ATG7: variants seen among roughly 807,000 people sequenced by gnomAD.
ATG7 encodes ubiquitin-like modifier-activating enzyme ATG7.
Under a neutral mutation model 82.4 loss-of-function variants are expected in ATG7, and 70 were observed. That is an observed-to-expected ratio of 0.85 (90% CI 0.70 to 1.04). The LOEUF (loss-of-function observed/expected upper bound fraction) is 1.04, where lower values mean the gene tolerates loss of function less well. Ranked by LOEUF, ATG7 falls within the 50% of genes least tolerant of loss-of-function variation. The probability of loss-of-function intolerance (pLI) is 0.00; values close to 1 mark genes in which losing one functional copy is unlikely to be tolerated. For synonymous variants in ATG7, 287 were observed against 313.0 expected, an observed-to-expected ratio of 0.92 and a Z score of 0.88; for missense variants, 792 against 864.3, an observed-to-expected ratio of 0.92 and a Z score of 1.05.
intron 9 of ATG7, among the ~76,000 whole-genome samples, chr3:11,316,842 A>T (rs919077784): frequency 6.6e-6 from 1 of 152,248 alleles, no homozygotes; most frequent in African/African-American, 2.4e-5. Flanking sequence ...AAATGGAATC[A>T]TCTCCATAGC....
intron 13 of ATG7, among the ~76,000 whole-genome samples, chr3:11,342,933 AT>A (rs34523650): frequency 0.2 from 29,534 of 144,636 alleles, 3,131 homozygotes; most frequent in South Asian, 0.35. Context: ...TTTGTCATTA[AT>A]TTTTTTTTTT....
intron 20 of ATG7, among the ~76,000 whole-genome samples, chr3:11,453,223 A>C (rs1239347710): frequency 6.6e-6 from 1 of 152,242 alleles, no homozygotes; most frequent in Non-Finnish European, 1.5e-5. Flanking sequence ...GGGCCTTGCC[A>C]TGTGGTCTGA....
the ATG7 span, among the ~76,000 whole-genome samples, chr3:11,571,993 G>C: frequency 6.6e-6 from 1 of 152,190 alleles, no homozygotes; most frequent in African/African-American, 2.4e-5. Context: ...TGCAGCCCCA[G>C]CTACTCTGGA....
intron 20 of ATG7, among the ~76,000 whole-genome samples, chr3:11,438,706 T>A (rs763047455): frequency 2.0e-5 from 3 of 152,146 alleles, no homozygotes; most frequent in Non-Finnish European, 4.4e-5. Flanking sequence ...ATTAAAAAAA[T>A]TAGGCAAATT....
chr3:11,386,769 A>G (rs916320047), intron 19 of ATG7, among the ~76,000 whole-genome samples: 1 of 152,156 alleles, frequency 6.6e-6, no homozygotes, highest in African/African-American at 2.4e-5. Flanking sequence ...CATATGTATG[A>G]TTGTGTGGTA....
intron 11 of ATG7, among the ~76,000 whole-genome samples, chr3:11,335,805 C>A (rs529659536): frequency 1.7e-4 from 26 of 152,310 alleles, no homozygotes; most frequent in African/African-American, 6.0e-4. Flanking sequence ...TCAAGCGATT[C>A]TCCAGACTCA....
chr3:11,519,886 G>C (rs1322057898), intron 20 of ATG7, among the ~76,000 whole-genome samples: 1 of 151,958 alleles, frequency 6.6e-6, no homozygotes, highest in East Asian at 1.9e-4. Flanking sequence ...ACTACCTTAA[G>C]CATCTTTTGT....
Position 11,409,727 on chromosome 3 carries a change from C to T in ATG7, c.1957-17077C>T, listed in dbSNP as rs114350639. 3.8e-3 allele frequency among the ~76,000 whole-genome samples: 573 copies of T among 149,284 alleles called. 3 individuals carry two copies. Among genetic ancestry groups the T allele is most frequent in the African/African-American group, 0.013 (541 of 40,874 alleles). On this transcript the variant is annotated intron_variant, in intron 19 of 20. Transcript: ENST00000693202. ...TTTATATGTAGGTAGGTCTGTGATA[C>T]ATTTTGAGTTATTTTTTGTGATGGG...
rs566784386 is a variant in ATG7 at position 11,305,288 on chromosome 3, A to AT, written c.216-1654dup. Among the ~76,000 whole-genome samples the AT allele has an allele frequency of 1.2e-4, 19 of 152,372 alleles. No homozygotes were observed. In the South Asian group the frequency reaches 3.5e-3, roughly 28 times the overall value. Reference sequence around the variant, plus strand: ...CGATTGTCCTGGCTAATTAACTTGCATAAGTGCTGATGCTCCTAGGAGCCT... The same window carrying AT: ...CGATTGTCCTGGCTAATTAACTTGCATTAAGTGCTGATGCTCCTAGGAGCCT... On this transcript the variant is annotated intron_variant, in intron 5 of 20. Transcript: ENST00000693202.
chr3:11,416,011 T>A (rs2081345181), intron 19 of ATG7, among the ~76,000 whole-genome samples: 1 of 152,216 alleles, frequency 6.6e-6, no homozygotes, highest in South Asian at 2.1e-4. Context: ...GGATTAGGAA[T>A]TTTTCGGCTC....
chr3:11,574,779 C>CTGTGTGTGTGTGTGTG, the ATG7 span, among the ~76,000 whole-genome samples: 1 of 121,790 alleles, frequency 8.2e-6, no homozygotes, highest in African/African-American at 3.1e-5. Context: ...GTCAATTCAA[C>CTGTGTGTGTGTGTGTG]TATATATGTG....
intron 3 of ATG7, among the ~76,000 whole-genome samples, chr3:11,291,722 A>G (rs1209814118): frequency 6.6e-6 from 1 of 152,232 alleles, no homozygotes; most frequent in Non-Finnish European, 1.5e-5. Flanking sequence ...ATGGTGGTAA[A>G]TGCCCTAATG....
chr3:11,485,496 G>C (rs575082048), intron 20 of ATG7, among the ~76,000 whole-genome samples: 2 of 152,132 alleles, frequency 1.3e-5, no homozygotes, highest in Non-Finnish European at 2.9e-5. Context: ...TGGGTTGCCT[G>C]TTCACTCTGA....
At chr3:11,346,140 A>G (rs924776293) in intron 13 of ATG7, among the ~76,000 whole-genome samples, 3 of 152,166 alleles carry the variant, frequency 2.0e-5, no homozygotes, top group South Asian at 2.1e-4. Context: ...TGGCCTCCCG[A>G]GTAGTCAGGA....
chr3:11,498,460 T>G (rs2091031644), intron 20 of ATG7, among the ~76,000 whole-genome samples: 1 of 152,204 alleles, frequency 6.6e-6, no homozygotes. Context: ...TTTCCTTCAC[T>G]TGCTATATGG....
chr3:11,560,952 A>G (rs1399930824), downstream of ATG7, among the ~76,000 whole-genome samples: 2 of 152,094 alleles, frequency 1.3e-5, no homozygotes, highest in Non-Finnish European at 2.9e-5. Flanking sequence ...TGAGGCCTGG[A>G]GCAGATCTCA....
At chr3:11,543,616 A>C (rs1298365425) in intron 20 of ATG7, among the ~76,000 whole-genome samples, 1 of 152,132 alleles carries the variant, frequency 6.6e-6, no homozygotes, top group Non-Finnish European at 1.5e-5. Context: ...GGAGGAGCAC[A>C]AGGCTGGCCG....
At chr3:11,337,259 C>T (rs986926127) in intron 11 of ATG7, among the ~76,000 whole-genome samples, 8 of 152,142 alleles carry the variant, frequency 5.3e-5, no homozygotes, top group Non-Finnish European at 1.2e-4. Flanking sequence ...TTGAGACCAT[C>T]CTGGCCAACA....
intron 11 of ATG7, among the ~76,000 whole-genome samples, chr3:11,336,937 T>G (rs1952600985): frequency 6.6e-6 from 1 of 152,176 alleles, no homozygotes; most frequent in African/African-American, 2.4e-5. Context: ...CCACCCAAAG[T>G]GCTGGGACTA....
Sources: allele counts gnomAD v4.1 joint callset (sites outside exome capture counted in the v4.1 genomes callset), GRCh38; gene constraint gnomAD v4.1.1; transcripts MANE v1.5; gene names NCBI Gene and HGNC (gene_info 2026-07-23, HGNC 2026-07-21).